MICAL3: variants seen among roughly 807,000 people sequenced by gnomAD.
MICAL3 encodes the protein microtubule associated monooxygenase, calponin and LIM domain containing 3.
In MICAL3, 62 loss-of-function variants were observed where a neutral mutation model predicts 207.4. The observed-to-expected ratio is 0.30, with a 90% CI of 0.24 to 0.37. MICAL3 has a LOEUF of 0.37. MICAL3 is among the 10% of genes least tolerant of loss of function. The pLI is 1.00. For missense variants in MICAL3, 2,368 were observed against 2,635.6 expected, an observed-to-expected ratio of 0.90 and a Z score of 2.22; for synonymous variants, 1,077 against 1,069.3, an observed-to-expected ratio of 1.01 and a Z score of -0.14.
chr22:17,903,878 T>A (rs1931518707), intron 3 of MICAL3, among the ~76,000 whole-genome samples: 1 of 152,242 alleles, frequency 6.6e-6, no homozygotes, highest in Admixed American at 6.5e-5. Flanking sequence ...TGATAAAGCT[T>A]TCCTGAAAGC....
intron 18 of MICAL3, 23 bp from the exon 19 acceptor site, chr22:17,865,009 G>C (rs771688014): frequency 1.3e-6 from 2 of 1,590,092 alleles, no homozygotes; most frequent in Admixed American, 1.7e-5. Flanking sequence ...ATGAGAAAAA[G>C]AAGAGTGACT....
Position 17,981,872 on chromosome 22 carries a change from G to A in MICAL3, c.-75+42409C>T, listed in dbSNP as rs536153532. Among the ~76,000 whole-genome samples, 8 of 152,232 alleles carry A rather than the reference G, an allele frequency of 5.3e-5. No homozygotes were observed. The South Asian group carries it at 1.7e-3, about 32-fold the overall frequency. ...GGTGAGGTAGCCCACACCTGCTGAG[G>A]TACAAGGATCGCTTGAGCCCAGGAG... On this transcript the variant is annotated intron_variant, in intron 1 of 31. Transcript: ENST00000441493.
chr22:17,877,339 T>G, intron 16 of MICAL3, among the ~76,000 whole-genome samples: 3 of 104,300 alleles, frequency 2.9e-5, no homozygotes, highest in Admixed American at 9.1e-5. Context: ...GTTATGGAGG[T>G]TAGGGAGGTT....
intron 7 of MICAL3, 135 bp from the exon 8 acceptor site, chr22:17,897,116 C>A: frequency 1.1e-6 from 1 of 915,668 alleles, no homozygotes; most frequent in Non-Finnish European, 1.6e-6. Context: ...ACTTTTATAC[C>A]ATTAAAATGG....
chr22:17,901,793 TG>T lies in MICAL3; in HGVS notation c.691+84del, dbSNP rs1931341746. Reference sequence around the variant, plus strand: ...TTCAGGCTCTCAAAAGGGTGGACGCTGGTCACGCACAGTCTCGCCCCAGAGG... The same window carrying T: ...TTCAGGCTCTCAAAAGGGTGGACGCTGTCACGCACAGTCTCGCCCCAGAGG... On this transcript the variant is annotated intron_variant, in intron 5 of 31. Coordinates refer to ENST00000441493, the MANE Select transcript of MICAL3 (RefSeq NM_015241.3). 3.0e-6 allele frequency: 3 copies of T among 994,210 alleles called. No individual in the cohort carries two copies. The South Asian group carries it at 5.1e-5, about 17-fold the overall frequency. The allele number at this position is 994,210 out of a possible 1,614,324, so 61.6% of individuals were successfully genotyped here.
intron 29 of MICAL3, among the ~76,000 whole-genome samples, chr22:17,804,104 A>C (rs968453476): frequency 3.9e-5 from 6 of 152,178 alleles, no homozygotes; most frequent in African/African-American, 1.4e-4. Flanking sequence ...ACTAAAACTC[A>C]CTGTGGGGAG....
intron 19 of MICAL3, among the ~76,000 whole-genome samples, chr22:17,848,564 A>G (rs1365044072): frequency 2.0e-5 from 3 of 152,186 alleles, no homozygotes; most frequent in Non-Finnish European, 4.4e-5. Flanking sequence ...GCTTTGAGCT[A>G]AAGTTCCCAC....
intron 17 of MICAL3, among the ~76,000 whole-genome samples, chr22:17,866,697 T>C (rs1302053635): frequency 6.7e-6 from 1 of 150,190 alleles, no homozygotes; most frequent in African/African-American, 2.5e-5. Flanking sequence ...GAATCCAGAG[T>C]GTACTGTGGC....
chr22:17,827,934 T>TACACACAC (rs60820224), intron 21 of MICAL3, among the ~76,000 whole-genome samples, 153 bp from the exon 22 acceptor site: 12,449 of 150,870 alleles, frequency 0.083, 561 homozygotes, highest in African/African-American at 0.14. Context: ...TGCACATGTA[T>TACACACAC]ACACACACAC....
intron 1 of MICAL3, among the ~76,000 whole-genome samples, chr22:18,004,056 C>G (rs1923214545): frequency 6.6e-6 from 1 of 151,768 alleles, no homozygotes; most frequent in African/African-American, 2.4e-5. Context: ...GCATGAGCCA[C>G]TGCGCCTGGC....
intron 16 of MICAL3, chr22:17,876,564 A>C (rs1928367567): frequency 6.6e-6 from 1 of 152,456 alleles, no homozygotes; most frequent in East Asian, 1.9e-4. Context: ...GGCTGTAAGC[A>C]CCGCCCCTCA....
chr22:17,948,911 T>TAAAAAAAAAA (rs1260379274), intron 1 of MICAL3, among the ~76,000 whole-genome samples: 75 of 32,920 alleles, frequency 2.3e-3, no homozygotes, highest in African/African-American at 0.013. Context: ...AGATGCTGCC[T>TAAAAAAAAAA]CAAAAAAAAA....
intron 1 of MICAL3, among the ~76,000 whole-genome samples, chr22:17,913,565 C>T (rs924589125): frequency 8.5e-5 from 13 of 152,188 alleles, no homozygotes; most frequent in East Asian, 3.9e-4. Context: ...TCATGACCAG[C>T]ACTCTGCTTG....
At chr22:17,977,576 G>A (rs967010671) in intron 1 of MICAL3, among the ~76,000 whole-genome samples, 1 of 151,972 alleles carries the variant, frequency 6.6e-6, no homozygotes, top group Non-Finnish European at 1.5e-5. Context: ...TGTTGACAAG[G>A]ATGTGGGGAA....
In MICAL3 at chr22:17,818,636, G is replaced by A; in HGVS notation, c.4025C>T (p.Pro1342Leu). ...AEIRRSLGLTPVDRSKGPEPS... is the reference protein window; with the variant it reads ...AEIRRSLGLTLVDRSKGPEPS... ...CTCGGGCCCCTTGCTGCGGTCCACA[G>A]GTGTGAGCCCGAGGCTGCGGCGGAT... The change falls in exon 26 of 32, where the codon CCT becomes CTT. Residue 1342 changes from proline to leucine, a missense_variant. Physicochemically the swap from Pro to Leu is moderately conservative, Grantham distance 98. Around this residue, in one of 4 missense-constraint regions of MICAL3, gnomAD observed 1,770 missense variants for 1,863.2 expected, o/e 0.95. Coordinates refer to ENST00000441493, the MANE Select transcript of MICAL3 (RefSeq NM_015241.3). 1.2e-6 allele frequency: 2 copies of A among 1,613,660 alleles called. No homozygotes were observed. The highest frequency in any genetic ancestry group is 8.5e-7 in the Non-Finnish European group (1 of 1,179,892).
chr22:17,846,669 C>T (rs925820591), intron 19 of MICAL3, among the ~76,000 whole-genome samples: 2 of 152,236 alleles, frequency 1.3e-5, no homozygotes, highest in East Asian at 1.9e-4. Context: ...CCCCGCCTGT[C>T]GGGCTAGCTG....
chr22:17,898,102 C>T (rs960886120), intron 7 of MICAL3, among the ~76,000 whole-genome samples: 4 of 101,078 alleles, frequency 4.0e-5, no homozygotes, highest in Non-Finnish European at 7.5e-5. Context: ...TGGCCCCTGC[C>T]CTCTTAAAAA....
chr22:17,848,786 CA>C (rs892408217), intron 19 of MICAL3, among the ~76,000 whole-genome samples: 20 of 152,342 alleles, frequency 1.3e-4, no homozygotes, highest in Admixed American at 6.5e-4. Flanking sequence ...CTACAGTGTA[CA>C]AAAGGTCTTC....
chr22:17,886,988 CAAAAAAAAA>C (rs55999508), intron 15 of MICAL3, among the ~76,000 whole-genome samples, 173 bp downstream of exon 15: 16 of 41,338 alleles, frequency 3.9e-4, no homozygotes, highest in African/African-American at 1.0e-3. Context: ...ACTCTTGTCT[CAAAAAAAAA>C]AAAAAAAAAA....
Sources: gnomAD v4.1 joint callset for allele counts (sites outside exome capture counted in the v4.1 genomes callset) on GRCh38, gnomAD v4.1.1 for gene constraint, gnomAD v4.1.1 regional missense constraint, MANE v1.5 for transcripts, NCBI Gene and HGNC (gene_info 2026-07-23, HGNC 2026-07-21) for gene names.